The following ANKRD13A variants were observed in gnomAD, a reference collection of about 807,000 sequenced individuals.
ANKRD13A encodes ankyrin repeat domain-containing protein 13A.
Under a neutral mutation model 81.3 loss-of-function variants are expected in ANKRD13A, and 48 were observed. That is an observed-to-expected ratio of 0.59 (90% CI 0.47 to 0.75). ANKRD13A has a LOEUF of 0.75. Ranked by LOEUF, ANKRD13A falls within the 30% of genes least tolerant of loss-of-function variation. The probability of loss-of-function intolerance (pLI) is 0.00; values close to 1 mark genes in which losing one functional copy is unlikely to be tolerated. For missense variants in ANKRD13A, 612 were observed against 734.0 expected (o/e 0.83, Z 1.92); for synonymous variants, 230 against 270.1 (o/e 0.85, Z 1.45).
At chr12:110,022,967 T>C (rs1210237515) in intron 6 of ANKRD13A, among the ~76,000 whole-genome samples, 1 of 152,224 alleles carries the variant, frequency 6.6e-6, no homozygotes, top group Non-Finnish European at 1.5e-5. Context: ...ACACATAAAC[T>C]CATTATACCA....
intron 1 of ANKRD13A, among the ~76,000 whole-genome samples, chr12:110,001,367 C>T (rs1889964005): frequency 1.3e-5 from 2 of 151,244 alleles, no homozygotes; most frequent in Middle Eastern, 3.5e-3. Context: ...TGTGTGCTTG[C>T]AACCTGCCAT....
chr12:110,028,387 G>A (rs965681015), intron 9 of ANKRD13A, 125 bp from the exon 10 acceptor site: 4 of 1,084,382 alleles, frequency 3.7e-6, no homozygotes, highest in Non-Finnish European at 5.3e-6. Flanking sequence ...ATGCAAAAAA[G>A]TTAGTGAATA....
intron 1 of ANKRD13A, among the ~76,000 whole-genome samples, chr12:110,002,345 G>T (rs1164578108): frequency 6.6e-6 from 1 of 152,052 alleles, no homozygotes; most frequent in African/African-American, 2.4e-5. Context: ...GTCCGGGCAC[G>T]GTGGCTCATG....
chr12:110,017,058 G>A (rs1038183837), intron 4 of ANKRD13A, among the ~76,000 whole-genome samples: 1 of 152,084 alleles, frequency 6.6e-6, no homozygotes, highest in African/African-American at 2.4e-5. Flanking sequence ...ACAGGCATGA[G>A]CTACCATGCC....
intron 1 of ANKRD13A, among the ~76,000 whole-genome samples, chr12:110,001,659 A>G (rs576474204): frequency 1.9e-4 from 29 of 151,992 alleles, no homozygotes; most frequent in African/African-American, 6.8e-4. Flanking sequence ...GCCTCAAGCA[A>G]TCCGCCCACC....
At position 110,038,553 on chromosome 12, in the gene ANKRD13A, C is replaced by T. The variant is rs568627535; in HGVS notation, c.*999C>T. Reference sequence around the variant, plus strand: ...CAACCAGAAAGGGAGCTGAAAACCACGGAGCTCCATGGCTCTTCATTCAAA... The same window carrying T: ...CAACCAGAAAGGGAGCTGAAAACCATGGAGCTCCATGGCTCTTCATTCAAA... On this transcript the variant is annotated 3_prime_UTR_variant, in exon 15 of 15. Transcript: ENST00000261739. 3.9e-5 allele frequency: 6 copies of T among 152,726 alleles called. No individual in the cohort carries two copies. Among genetic ancestry groups the T allele is most frequent in the East Asian group, 1.9e-4 (1 of 5,192 alleles). 9.5% of individuals were successfully genotyped at this position (152,726 alleles called of 1,614,324 possible).
chr12:110,008,354 G>A (rs1028947818), intron 1 of ANKRD13A, among the ~76,000 whole-genome samples: 6 of 152,126 alleles, frequency 3.9e-5, no homozygotes, highest in African/African-American at 1.4e-4. Flanking sequence ...GTCTCAGTTG[G>A]TCATAGTGTA....
At position 110,030,494 on chromosome 12, in the gene ANKRD13A, T is replaced by G. The variant is rs1262556711; in HGVS notation, c.1235-151T>G. 2.7e-5 allele frequency: 10 copies of G among 369,900 alleles called. No individual in the cohort carries two copies. In the South Asian group the frequency reaches 4.2e-4, roughly 16 times the overall value. The allele number at this position is 369,900 out of a possible 1,614,324, so 22.9% of individuals were successfully genotyped here. ...AAATACACAACTCTCAATCTCAGTT[T>G]TCCCGTCTGTGTATTGGGAAGGGTT... On this transcript the variant is annotated intron_variant, in intron 11 of 14. Coordinates refer to ENST00000261739, the MANE Select transcript of ANKRD13A (RefSeq NM_033121.2).
At chr12:110,028,046 A>G in intron 9 of ANKRD13A, 1 of 438,136 alleles carries the variant, frequency 2.3e-6, no homozygotes, top group East Asian at 4.1e-5. Context: ...GAACTTAAAA[A>G]GGATTCAGGA....
intron 12 of ANKRD13A, chr12:110,032,379 A>G (rs1345047667): frequency 6.6e-6 from 1 of 152,246 alleles, no homozygotes; most frequent in African/African-American, 2.4e-5. Context: ...TTTAATGTAT[A>G]TAAATTAAGA....
intron 1 of ANKRD13A, among the ~76,000 whole-genome samples, chr12:110,010,658 G>A (rs1028380965): frequency 6.6e-6 from 1 of 152,116 alleles, no homozygotes; most frequent in South Asian, 2.1e-4. Flanking sequence ...CTGAGGCCTG[G>A]GATTGGTCCA....
Position 110,037,340 on chromosome 12 carries a change from T to C in ANKRD13A, c.1578-19T>C, listed in dbSNP as rs1485914095. On this transcript the variant is annotated intron_variant, in intron 14 of 14. Transcript: ENST00000261739. ...GATGATAGTAGTGACTCTCCCTTTT[T>C]ATCTGTTTTCCAACCCAGGGCCATC... is the stretch of plus-strand genomic sequence containing the variant. 2 of 1,603,484 alleles carry C rather than the reference T, an allele frequency of 1.2e-6. No homozygotes were observed. The highest frequency in any genetic ancestry group is 1.3e-5 in the African/African-American group (1 of 74,564).
chr12:110,027,352 C>T, intron 8 of ANKRD13A: 1 of 250,744 alleles, frequency 4.0e-6, no homozygotes, highest in South Asian at 5.0e-5. Context: ...CCAGCACCAC[C>T]ACCACCATTG....
rs1566041438 is a variant in ANKRD13A at position 109,999,856 on chromosome 12, G to A, written c.96+72G>A. 7.3e-7 allele frequency: 1 copy of A among 1,363,446 alleles called. No homozygotes were observed. Among genetic ancestry groups the A allele is most frequent in the South Asian group, 1.4e-5 (1 of 72,154 alleles). The allele number at this position is 1,363,446 out of a possible 1,614,324, so 84.5% of individuals were successfully genotyped here. The stretch of plus-strand genomic sequence containing the variant: ...ATCGGGGGTCGTTTCGCCTCCCTGA[G>A]CCCATTTCCAGCCCTCTGTCCCCGG... On this transcript the variant is annotated intron_variant, in intron 1 of 14. Transcript: ENST00000261739. The surrounding 1 kb of genome is among the most constrained non-coding windows in gnomAD (Gnocchi z 4.3).
At chr12:110,028,461 C>T (rs765113049) in intron 9 of ANKRD13A, 51 bp from the exon 10 acceptor site, 1 of 1,608,436 alleles carries the variant, frequency 6.2e-7, no homozygotes, top group South Asian at 1.1e-5. Flanking sequence ...CAGGCCTTCA[C>T]TTGTGAACAT....
chr12:109,999,596 C>G lies in ANKRD13A; in HGVS notation c.-93C>G. ...GTAACACGCCCTACGCTCGCTTGCT[C>G]GCCGGCCTCAGGGCAGGCAGGCGGG... On this transcript the variant is annotated 5_prime_UTR_variant, in exon 1 of 15. Coordinates refer to ENST00000261739, the MANE Select transcript of ANKRD13A (RefSeq NM_033121.2). The surrounding 1 kb of genome is among the most constrained non-coding windows in gnomAD (Gnocchi z 4.3). 5 of 1,070,568 alleles carry G rather than the reference C, an allele frequency of 4.7e-6. No individual in the cohort carries two copies. The highest frequency in any genetic ancestry group is 5.1e-6 in the Non-Finnish European group (4 of 783,446). 66.3% of individuals were successfully genotyped at this position (1,070,568 alleles called of 1,614,324 possible).
chr12:110,026,359 A>T (rs1891327101), intron 8 of ANKRD13A, among the ~76,000 whole-genome samples: 1 of 150,728 alleles, frequency 6.6e-6, no homozygotes, highest in Admixed American at 6.6e-5. Flanking sequence ...GAGTCACCTG[A>T]GGTCGGGAAT....
At chr12:110,029,680 G>T (rs755791451) in intron 11 of ANKRD13A, 45 bp downstream of exon 11, 1 of 1,596,494 alleles carries the variant, frequency 6.3e-7, no homozygotes, top group Admixed American at 1.7e-5. Flanking sequence ...TTCTGCCCAT[G>T]TTTGTGGGTG....
chr12:110,032,942 G>A (rs183656351), intron 12 of ANKRD13A: 24 of 152,238 alleles, frequency 1.6e-4, no homozygotes, highest in African/African-American at 5.5e-4. Flanking sequence ...AGAAGAGCTA[G>A]GCAGTGTAAA....
Sources: allele counts gnomAD v4.1 joint callset (sites outside exome capture counted in the v4.1 genomes callset), GRCh38; gene constraint gnomAD v4.1.1; non-coding constraint Gnocchi (gnomAD v3.1); transcripts MANE v1.5; gene names NCBI Gene and HGNC (gene_info 2026-07-23, HGNC 2026-07-21).